The following TMCO5A variants were observed in gnomAD, a reference collection of about 807,000 sequenced individuals.
TMCO5A encodes transmembrane and coiled-coil domains 5A, also known as transmembrane and coiled-coil domain-containing protein 5A.
In TMCO5A, 34 loss-of-function variants were observed where a neutral mutation model predicts 42.3. That is an observed-to-expected ratio of 0.80 (90% CI 0.61 to 1.07). TMCO5A has a LOEUF of 1.07. Ranked by LOEUF, TMCO5A falls within the 50% of genes least tolerant of loss-of-function variation. The pLI, the probability that TMCO5A is intolerant of heterozygous loss-of-function variation, is 0.00. For missense variants in TMCO5A, 357 were observed against 327.9 expected, an observed-to-expected ratio of 1.09 and a Z score of -0.69; for synonymous variants, 131 against 115.6, an observed-to-expected ratio of 1.13 and a Z score of -0.86.
downstream of TMCO5A, among the ~76,000 whole-genome samples, chr15:37,972,154 G>C (rs1168985625): frequency 1.3e-5 from 2 of 152,164 alleles, no homozygotes; most frequent in African/African-American, 4.8e-5. Flanking sequence ...GGCTGGGGAG[G>C]CCTCACAATT....
the TMCO5A span, among the ~76,000 whole-genome samples, chr15:38,025,581 T>A: frequency 1.3e-4 from 20 of 152,346 alleles, 1 homozygote; most frequent in East Asian, 2.5e-3. Flanking sequence ...ATGTATTTTT[T>A]AAAATCAGAT....
the TMCO5A span, among the ~76,000 whole-genome samples, chr15:38,038,552 C>G: frequency 6.6e-6 from 1 of 152,080 alleles, no homozygotes; most frequent in South Asian, 2.1e-4. Context: ...ACTACAGGCA[C>G]CCACCACCAC....
At chr15:37,974,129 T>C in the TMCO5A span, among the ~76,000 whole-genome samples, 1 of 152,188 alleles carries the variant, frequency 6.6e-6, no homozygotes, top group Non-Finnish European at 1.5e-5. Flanking sequence ...TTGTGGTTGA[T>C]TATTTTTTTG....
downstream of TMCO5A, among the ~76,000 whole-genome samples, chr15:37,954,820 CA>C (rs1379317135): frequency 6.6e-6 from 1 of 151,824 alleles, no homozygotes; most frequent in East Asian, 1.9e-4. Flanking sequence ...AGTTAAGAAA[CA>C]GAGCCTTTGA....
chr15:37,976,546 G>A, the TMCO5A span, among the ~76,000 whole-genome samples: 1 of 152,130 alleles, frequency 6.6e-6, no homozygotes, highest in African/African-American at 2.4e-5. Context: ...GATAGCCAAT[G>A]AGTCATAGGT....
chr15:38,013,100 C>A, the TMCO5A span, among the ~76,000 whole-genome samples: 1 of 152,168 alleles, frequency 6.6e-6, no homozygotes, highest in Non-Finnish European at 1.5e-5. Context: ...GCCAGTGAAA[C>A]TCCCGAGGAA....
chr15:37,935,510 T>G (rs1311113599), intron 2 of TMCO5A, among the ~76,000 whole-genome samples, 162 bp downstream of exon 2: 1 of 152,046 alleles, frequency 6.6e-6, no homozygotes, highest in African/African-American at 2.4e-5. Flanking sequence ...GACTTAACTT[T>G]CCAATATTAT....
At chr15:37,943,427 T>A (rs1566916785) in intron 10 of TMCO5A, 29 bp downstream of exon 10, 33 of 1,608,412 alleles carry the variant, frequency 2.1e-5, no homozygotes, top group Non-Finnish European at 2.8e-5. Flanking sequence ...CTTCAGCTCC[T>A]CACAGTGTCA....
At chr15:38,010,381 T>C in the TMCO5A span, among the ~76,000 whole-genome samples, 2 of 36,902 alleles carry the variant, frequency 5.4e-5, no homozygotes, top group Non-Finnish European at 9.2e-5. Flanking sequence ...AGACTCCGTC[T>C]CCAAAAAAAA....
the TMCO5A span, among the ~76,000 whole-genome samples, chr15:38,035,837 T>C: frequency 6.6e-6 from 1 of 152,170 alleles, no homozygotes; most frequent in East Asian, 1.9e-4. Context: ...CAAAGTGTAT[T>C]GAAGCTGCCC....
At chr15:37,967,412 GTAAC>G (rs1437817002) in exon 12 of TMCO5A, 1 of 152,132 alleles carries the variant, frequency 6.6e-6, no homozygotes, top group East Asian at 1.9e-4. Flanking sequence ...ATGAAAATGT[GTAAC>G]CAACCAGTAA....
At chr15:37,993,728 A>G in the TMCO5A span, among the ~76,000 whole-genome samples, 1 of 152,126 alleles carries the variant, frequency 6.6e-6, no homozygotes, top group Non-Finnish European at 1.5e-5. Flanking sequence ...CATCTCCAAG[A>G]TCAAAAATAG....
At chr15:37,997,762 T>A in the TMCO5A span, among the ~76,000 whole-genome samples, 3 of 152,228 alleles carry the variant, frequency 2.0e-5, no homozygotes, top group South Asian at 6.2e-4. Flanking sequence ...GTATTTCTAT[T>A]TTTAGCGTTT....
chr15:37,990,911 TC>T, the TMCO5A span, among the ~76,000 whole-genome samples: 1 of 152,082 alleles, frequency 6.6e-6, no homozygotes, highest in Non-Finnish European at 1.5e-5. Context: ...CCTATACAGC[TC>T]CATCCTCACA....
downstream of TMCO5A, among the ~76,000 whole-genome samples, chr15:37,969,072 G>A (rs1041492007): frequency 4.6e-5 from 7 of 152,122 alleles, no homozygotes; most frequent in Admixed American, 2.6e-4. Context: ...GATATATCAC[G>A]TGTATATATG....
the TMCO5A span, among the ~76,000 whole-genome samples, chr15:37,977,178 T>C: frequency 1.3e-5 from 2 of 152,218 alleles, no homozygotes; most frequent in African/African-American, 4.8e-5. Context: ...ATATTGATGA[T>C]CTTTGTTCCT....
chr15:37,982,684 C>T, the TMCO5A span, among the ~76,000 whole-genome samples: 1 of 140,214 alleles, frequency 7.1e-6, no homozygotes. Context: ...AATATATTAA[C>T]ACATATGTTA....
chr15:37,979,605 AAGG>A, the TMCO5A span, among the ~76,000 whole-genome samples: 1 of 151,904 alleles, frequency 6.6e-6, no homozygotes, highest in South Asian at 2.1e-4. Context: ...CTTGCCCAAT[AAGG>A]AGTAGTAGGG....
chr15:37,987,628 C>A, the TMCO5A span, among the ~76,000 whole-genome samples: 2 of 151,900 alleles, frequency 1.3e-5, no homozygotes, highest in Admixed American at 6.6e-5. Context: ...ACTAACCTTT[C>A]CCCCAGTGAA....
Sources: allele counts gnomAD v4.1 joint callset (sites outside exome capture counted in the v4.1 genomes callset), GRCh38; gene constraint gnomAD v4.1.1; transcripts MANE v1.5; gene names NCBI Gene and HGNC (gene_info 2026-07-23, HGNC 2026-07-21).